Variants in NAALADL2 observed in about 807,000 individuals in gnomAD.
The protein encoded by NAALADL2 is N-acetylated alpha-linked acidic dipeptidase like 2.
NAALADL2 carries 76 observed loss-of-function variants against 87.2 expected under a neutral mutation model. The observed-to-expected ratio is 0.87, with a 90% CI of 0.72 to 1.05. The LOEUF is 1.05. Ranked by LOEUF, NAALADL2 falls within the 50% of genes least tolerant of loss-of-function variation. The pLI is 0.00. For synonymous variants in NAALADL2, 354 were observed against 331.0 expected (o/e 1.07, Z -0.75); for missense variants, 1,089 against 945.8 (o/e 1.15, Z -1.99).
chr3:175,305,184 C>T (rs1757543727), intron 4 of NAALADL2, among the ~76,000 whole-genome samples: 1 of 151,608 alleles, frequency 6.6e-6, no homozygotes, highest in South Asian at 2.1e-4. Flanking sequence ...ACAAGGTTCC[C>T]CTTGTGGCCA....
At chr3:175,622,293 G>A (rs1726337996) in intron 10 of NAALADL2, among the ~76,000 whole-genome samples, 1 of 151,984 alleles carries the variant, frequency 6.6e-6, no homozygotes, top group South Asian at 2.1e-4. Flanking sequence ...AACCAGAAAG[G>A]GAGGTCAAAG....
chr3:174,486,481 T>G (rs1717868131), intron 1 of NAALADL2, among the ~76,000 whole-genome samples: 1 of 151,974 alleles, frequency 6.6e-6, no homozygotes, highest in African/African-American at 2.4e-5. Context: ...ACGCTTTAGG[T>G]TTTCCTACTC....
At chr3:175,786,690 T>C (rs1402934115) in intron 13 of NAALADL2, among the ~76,000 whole-genome samples, 2 of 152,228 alleles carry the variant, frequency 1.3e-5, no homozygotes, top group Non-Finnish European at 2.9e-5. Flanking sequence ...GAAGCCTTCT[T>C]CTCTCATCTC....
intron 2 of NAALADL2, among the ~76,000 whole-genome samples, chr3:174,727,138 T>C (rs1266147738): frequency 6.6e-6 from 1 of 152,076 alleles, no homozygotes; most frequent in African/African-American, 2.4e-5. Flanking sequence ...TTGTATATAA[T>C]TTTTATATAA....
chr3:175,038,382 A>T (rs936085871), intron 1 of NAALADL2, among the ~76,000 whole-genome samples: 1 of 152,200 alleles, frequency 6.6e-6, no homozygotes, highest in Non-Finnish European at 1.5e-5. Flanking sequence ...CTAAGGCATA[A>T]GCTTTTTGTT....
chr3:175,449,684 C>T lies in NAALADL2; in HGVS notation c.1234+2312C>T, dbSNP rs376417304. On this transcript the variant is annotated intron_variant, in intron 6 of 13. Transcript: ENST00000454872. ...CTGGGATTACAGGCATGAGCCACCACGCCCAGCCTTAATTTTCTTCTTAAT... is the reference window on the plus strand; with the variant it reads ...CTGGGATTACAGGCATGAGCCACCATGCCCAGCCTTAATTTTCTTCTTAAT... 4.7e-4 allele frequency among the ~76,000 whole-genome samples: 71 copies of T among 152,236 alleles called. No homozygotes were observed. In the East Asian group the frequency reaches 6.0e-3, roughly 13 times the overall value.
chr3:175,467,534 C>A (rs1416588217), intron 8 of NAALADL2, among the ~76,000 whole-genome samples: 1 of 152,194 alleles, frequency 6.6e-6, no homozygotes, highest in Non-Finnish European at 1.5e-5. Context: ...TTTTTCTACA[C>A]TTTCTAGGAA....
At chr3:174,708,817 C>T (rs1248594110) in intron 2 of NAALADL2, among the ~76,000 whole-genome samples, 1 of 152,086 alleles carries the variant, frequency 6.6e-6, no homozygotes, top group African/African-American at 2.4e-5. Flanking sequence ...TTAAAGGAGG[C>T]ATCTTAGAAA....
intron 1 of NAALADL2, among the ~76,000 whole-genome samples, chr3:175,015,960 CTAAT>C (rs1049505650): frequency 4.0e-5 from 6 of 151,680 alleles, no homozygotes; most frequent in South Asian, 2.1e-4. Flanking sequence ...AATCAGTCCT[CTAAT>C]TATTTTTCTA....
At chr3:175,464,963 T>G (rs1166352320) in intron 7 of NAALADL2, among the ~76,000 whole-genome samples, 12 of 152,206 alleles carry the variant, frequency 7.9e-5, no homozygotes, top group African/African-American at 2.9e-4. Flanking sequence ...ATACTAGCTT[T>G]AGAGTGAAGA....
chr3:174,642,789 T>TATATATATATATA (rs1251017876), intron 2 of NAALADL2, among the ~76,000 whole-genome samples: 1 of 116,480 alleles, frequency 8.6e-6, no homozygotes, highest in African/African-American at 4.3e-5. Flanking sequence ...TATATATATA[T>TATATATATATATA]GTTTTTTTTC....
intron 1 of NAALADL2, among the ~76,000 whole-genome samples, chr3:174,522,852 T>C (rs1011515006): frequency 7.1e-6 from 1 of 140,770 alleles, no homozygotes; most frequent in African/African-American, 2.7e-5. Flanking sequence ...GAGAATGGCG[T>C]GAACCCGGGA....
At chr3:174,710,193 A>G (rs922863831) in intron 2 of NAALADL2, among the ~76,000 whole-genome samples, 2 of 149,966 alleles carry the variant, frequency 1.3e-5, no homozygotes, top group African/African-American at 4.9e-5. Context: ...AAATAGGGAG[A>G]CTATCTGGAT....
intron 1 of NAALADL2, among the ~76,000 whole-genome samples, chr3:175,016,601 C>T (rs1400915913): frequency 6.6e-6 from 1 of 151,420 alleles, no homozygotes; most frequent in South Asian, 2.1e-4. Flanking sequence ...TACATATACG[C>T]AAATTAAAGA....
In NAALADL2 at chr3:175,795,509, T is replaced by A. The variant is rs1236285572; in HGVS notation, c.2190-7496T>A. ...TAATACAGTGAAACCCCGTCTCTAC[T>A]AAAAAATACAAAAAAAAAAAAAAAT... On this transcript the variant is annotated intron_variant, in intron 13 of 13. Coordinates refer to ENST00000454872, the MANE Select transcript of NAALADL2 (RefSeq NM_207015.3). 2.8e-3 allele frequency among the ~76,000 whole-genome samples: 353 copies of A among 124,432 alleles called. 1 individual carries two copies. The highest frequency in any genetic ancestry group is 0.013 in the African/African-American group (338 of 25,786). 81.6% of individuals were successfully genotyped at this position (124,432 alleles called of 152,430 possible).
intron 2 of NAALADL2, among the ~76,000 whole-genome samples, chr3:175,175,653 G>A (rs751763804): frequency 3.9e-5 from 6 of 152,030 alleles, no homozygotes; most frequent in South Asian, 4.1e-4. Flanking sequence ...ATTAAGTGGC[G>A]TAGCATAATT....
At chr3:174,532,144 C>G (rs1330925643) in intron 1 of NAALADL2, among the ~76,000 whole-genome samples, 1 of 152,116 alleles carries the variant, frequency 6.6e-6, no homozygotes, top group Non-Finnish European at 1.5e-5. Flanking sequence ...TTTATTAAGT[C>G]TCTACTTTGT....
chr3:174,838,758 T>C (rs942680667), intron 3 of NAALADL2, among the ~76,000 whole-genome samples: 36 of 151,826 alleles, frequency 2.4e-4, no homozygotes, highest in African/African-American at 8.7e-4. Flanking sequence ...CTGCAAAAAA[T>C]AAAATAAAAT....
intron 4 of NAALADL2, among the ~76,000 whole-genome samples, chr3:175,288,911 C>CA (rs1755306092): frequency 6.6e-6 from 1 of 152,074 alleles, no homozygotes; most frequent in African/African-American, 2.4e-5. Context: ...TTTGGTAAAA[C>CA]AGGCTACTTA....
Sources: allele counts gnomAD v4.1 joint callset (sites outside exome capture counted in the v4.1 genomes callset), GRCh38; gene constraint gnomAD v4.1.1; transcripts MANE v1.5; gene names NCBI Gene and HGNC (gene_info 2026-07-23, HGNC 2026-07-21).